Variants in SSH2 observed in about 807,000 individuals in gnomAD.
SSH2 encodes the protein slingshot protein phosphatase 2, also known as protein phosphatase Slingshot homolog 2.
Under a neutral mutation model 135.2 loss-of-function variants are expected in SSH2, and 37 were observed. The observed-to-expected ratio is 0.27, with a 90% confidence interval of 0.21 to 0.36. SSH2 has a LOEUF of 0.36. Among genes scored for constraint, SSH2 ranks in the 10% least tolerant of loss-of-function variants. SSH2 has a pLI of 1.00. For synonymous variants in SSH2, 628 were observed against 646.2 expected (o/e 0.97, Z 0.43); for missense variants, 1,408 against 1,765.3 (o/e 0.80, Z 3.63).
At chr17:29,704,537 GA>G (rs1228120327) in intron 3 of SSH2, among the ~76,000 whole-genome samples, 1 of 151,706 alleles carries the variant, frequency 6.6e-6, no homozygotes, top group African/African-American at 2.4e-5. Flanking sequence ...CTCCATCTCT[GA>G]AAAAATATTT....
At position 29,761,468 on chromosome 17, in the gene SSH2, C is replaced by G. The variant is rs944947277; in HGVS notation, c.188+32426G>C. On this transcript the variant is annotated intron_variant, in intron 3 of 15. Transcript: ENST00000540801. ...GCCAGCAGTTCGCCCCCACCCGCGT[C>G]CGGGGCGGGACGGGCGGGTCCTGAG... 3.3e-5 allele frequency: 33 copies of G among 993,878 alleles called. 1 individual carries two copies. The African/African-American group carries it at 5.8e-4, about 17-fold the overall frequency. The allele number at this position is 993,878 out of a possible 1,614,324, so 61.6% of individuals were successfully genotyped here. A position where few individuals can be genotyped will look rare whatever the true frequency, so the allele number is the denominator to read the frequency against.
At chr17:29,735,818 T>C (rs1043605524) in intron 3 of SSH2, among the ~76,000 whole-genome samples, 4 of 151,462 alleles carry the variant, frequency 2.6e-5, no homozygotes, top group Non-Finnish European at 5.9e-5. Context: ...AAAATACCTC[T>C]ACAATAAACA....
At chr17:29,911,559 T>C (rs771422136) in intron 1 of SSH2, among the ~76,000 whole-genome samples, 15 of 152,178 alleles carry the variant, frequency 9.9e-5, no homozygotes, top group Non-Finnish European at 1.8e-4. Flanking sequence ...GGATTCCAAC[T>C]TAGGTTGTTC....
chr17:29,847,116 GAT>G (rs1440258304), intron 2 of SSH2, among the ~76,000 whole-genome samples: 1 of 152,144 alleles, frequency 6.6e-6, no homozygotes, highest in Non-Finnish European at 1.5e-5. Context: ...ACTTCAGTTT[GAT>G]ACAAGGCCAT....
intron 8 of SSH2, among the ~76,000 whole-genome samples, chr17:29,673,326 T>C (rs2037568930): frequency 6.6e-6 from 1 of 152,012 alleles, no homozygotes. Context: ...TCCTAGCACT[T>C]TGGGAGGCCA....
At chr17:29,682,939 A>T (rs2038045300) in intron 6 of SSH2, among the ~76,000 whole-genome samples, 1 of 152,208 alleles carries the variant, frequency 6.6e-6, no homozygotes, top group Non-Finnish European at 1.5e-5. Flanking sequence ...AGTGGTATAC[A>T]AGCTAATAAC....
At chr17:29,702,452 C>T (rs186699897) in intron 4 of SSH2, among the ~76,000 whole-genome samples, 1,538 of 151,618 alleles carry the variant, frequency 0.01, 29 homozygotes, top group Middle Eastern at 0.035. Context: ...GTCAGGAGTT[C>T]GAGGCCAGCC....
At chr17:29,797,181 G>T (rs977355290) in intron 2 of SSH2, among the ~76,000 whole-genome samples, 23 of 151,460 alleles carry the variant, frequency 1.5e-4, no homozygotes, top group African/African-American at 4.6e-4. Context: ...TCTTAAGTGC[G>T]CCATTTAATG....
intron 3 of SSH2, among the ~76,000 whole-genome samples, chr17:29,781,303 A>G (rs576715067): frequency 2.6e-4 from 39 of 152,242 alleles, no homozygotes; most frequent in African/African-American, 8.9e-4. Flanking sequence ...GTTTGAATAA[A>G]GATGAAGTCC....
At chr17:29,705,287 C>G (rs534448875) in intron 3 of SSH2, among the ~76,000 whole-genome samples, 2 of 152,092 alleles carry the variant, frequency 1.3e-5, no homozygotes, top group Non-Finnish European at 2.9e-5. Flanking sequence ...TTTTCTTAAG[C>G]CTTTTATTAT....
At chr17:29,796,394 G>A (rs1212222712) in intron 2 of SSH2, among the ~76,000 whole-genome samples, 3 of 152,330 alleles carry the variant, frequency 2.0e-5, no homozygotes, top group African/African-American at 7.2e-5. Flanking sequence ...AGGCTGGAGT[G>A]CAGTGGCGCA....
At chr17:29,784,970 C>T (rs2041929053) in intron 3 of SSH2, among the ~76,000 whole-genome samples, 1 of 152,014 alleles carries the variant, frequency 6.6e-6, no homozygotes, top group African/African-American at 2.4e-5. Flanking sequence ...GAGGAAAAGA[C>T]CAAATTTTCT....
At chr17:29,908,957 G>C (rs937721648) in intron 1 of SSH2, among the ~76,000 whole-genome samples, 21 of 151,006 alleles carry the variant, frequency 1.4e-4, no homozygotes, top group Non-Finnish European at 1.9e-4. Context: ...GGTGCCTGTA[G>C]TCCCAGCTAC....
At chr17:29,906,805 C>A (rs2066660957) in intron 1 of SSH2, among the ~76,000 whole-genome samples, 1 of 152,114 alleles carries the variant, frequency 6.6e-6, no homozygotes, top group Non-Finnish European at 1.5e-5. Flanking sequence ...CAAATCAAAA[C>A]CACAATGAGA....
At chr17:29,883,750 C>G (rs1357159488) in intron 1 of SSH2, among the ~76,000 whole-genome samples, 2 of 152,166 alleles carry the variant, frequency 1.3e-5, no homozygotes, top group Non-Finnish European at 2.9e-5. Flanking sequence ...CCCCTGAGAC[C>G]TGTTCCTATC....
intron 2 of SSH2, among the ~76,000 whole-genome samples, chr17:29,815,357 C>T (rs1167164807): frequency 6.6e-6 from 1 of 151,928 alleles, no homozygotes; most frequent in African/African-American, 2.4e-5. Flanking sequence ...CTCCTGACCT[C>T]GTGATCCGCC....
intron 14 of SSH2, chr17:29,640,666 G>A (rs2036121003): frequency 1.3e-5 from 2 of 152,044 alleles, no homozygotes. Flanking sequence ...AATAGGACCT[G>A]GAGGGAGAAT....
chr17:29,638,033 G>C (rs190530485), intron 14 of SSH2, among the ~76,000 whole-genome samples: 1 of 151,858 alleles, frequency 6.6e-6, no homozygotes, highest in Non-Finnish European at 1.5e-5. Flanking sequence ...AGAACTCCTT[G>C]AACCCGGGAG....
chr17:29,640,887 T>C (rs1478665584), intron 14 of SSH2: 1 of 152,200 alleles, frequency 6.6e-6, no homozygotes, highest in African/African-American at 2.4e-5. Context: ...TTTATATAAA[T>C]GGTATCCCAC....
Sources: allele counts gnomAD v4.1 joint callset (sites outside exome capture counted in the v4.1 genomes callset), GRCh38; gene constraint gnomAD v4.1.1; transcripts MANE v1.5; gene names NCBI Gene and HGNC (gene_info 2026-07-23, HGNC 2026-07-21).